Variants in FEM1C observed in about 807,000 individuals in gnomAD.
The protein encoded by FEM1C is protein fem-1 homolog C.
Under a neutral mutation model 37.6 loss-of-function variants are expected in FEM1C, and 15 were observed. The observed-to-expected ratio is 0.40, with a 90% CI of 0.27 to 0.61. The LOEUF is 0.61. Among genes scored for constraint, FEM1C ranks in the 20% least tolerant of loss-of-function variants. The probability of loss-of-function intolerance (pLI) is 0.42; values close to 1 mark genes in which losing one functional copy is unlikely to be tolerated. For synonymous variants in FEM1C, 287 were observed against 272.8 expected (o/e 1.05, Z -0.51); for missense variants, 532 against 749.7 (o/e 0.71, Z 3.39).
intron 2 of FEM1C, among the ~76,000 whole-genome samples, chr5:115,528,965 A>T (rs530143832): frequency 1.3e-5 from 2 of 152,256 alleles, no homozygotes; most frequent in East Asian, 3.9e-4. Flanking sequence ...ATAGAGAATT[A>T]GTAACTGGAA....
At chr5:115,539,009 T>C (rs1754186331) in intron 2 of FEM1C, among the ~76,000 whole-genome samples, 1 of 152,030 alleles carries the variant, frequency 6.6e-6, no homozygotes, top group African/African-American at 2.4e-5. Context: ...TTGCTTATAC[T>C]ATTCCTTCAG....
rs1022878328 is a variant in FEM1C, at chr5:115,522,132, C to A, written c.*2176G>T. On this transcript the variant is annotated 3_prime_UTR_variant, in exon 3 of 3. Coordinates refer to ENST00000274457, the MANE Select transcript of FEM1C (RefSeq NM_020177.3). ...CATGTAAGCCCTCCCACCCAGCCCC[C>A]AAAGAGGAGGAGGAAATACTAAATC... 1 of 151,628 alleles carries A rather than the reference C, an allele frequency of 6.6e-6. No individual in the cohort carries two copies. The highest frequency in any genetic ancestry group is 1.5e-5 in the Non-Finnish European group (1 of 67,760). The allele number at this position is 151,628 out of a possible 1,614,324, so 9.4% of individuals were successfully genotyped here.
At chr5:115,534,077 C>T (rs950039997) in intron 2 of FEM1C, among the ~76,000 whole-genome samples, 3 of 151,750 alleles carry the variant, frequency 2.0e-5, no homozygotes, top group Non-Finnish European at 2.9e-5. Context: ...CAGTATGATA[C>T]GAATACATTA....
intron 2 of FEM1C, among the ~76,000 whole-genome samples, chr5:115,530,864 T>G: frequency 6.6e-6 from 1 of 152,010 alleles, no homozygotes; most frequent in African/African-American, 2.4e-5. Flanking sequence ...GAAAGGCTTA[T>G]TTTTTAAATA....
chr5:115,538,459 C>A (rs918126293), intron 2 of FEM1C, among the ~76,000 whole-genome samples: 2 of 151,948 alleles, frequency 1.3e-5, no homozygotes, highest in African/African-American at 4.8e-5. Context: ...CTCTTAAATC[C>A]AACATGTCCA....
intron 2 of FEM1C, among the ~76,000 whole-genome samples, chr5:115,539,478 TC>T (rs1754196381): frequency 6.6e-6 from 1 of 152,008 alleles, no homozygotes; most frequent in Non-Finnish European, 1.5e-5. Context: ...AGGAACCAAC[TC>T]CCGTCTCAAA....
chr5:115,531,927 C>T (rs1176191859), intron 2 of FEM1C, among the ~76,000 whole-genome samples: 2 of 152,078 alleles, frequency 1.3e-5, no homozygotes, highest in Non-Finnish European at 2.9e-5. Flanking sequence ...TTATGCTTCA[C>T]ATTATTCCAT....
intron 2 of FEM1C, 126 bp from the exon 3 acceptor site, chr5:115,525,743 G>T: frequency 2.8e-6 from 2 of 707,054 alleles, no homozygotes; most frequent in Non-Finnish European, 4.3e-6. Flanking sequence ...GGACATACTT[G>T]GTTTACAAAC....
chr5:115,524,278 C>T lies in FEM1C; in HGVS notation c.*30G>A, dbSNP rs1258179409. ...ATGAAACAACTGTTACCAATTCGTG[C>T]TTTAACAGTGCTAAAATACAGTCAA... On this transcript the variant is annotated 3_prime_UTR_variant, in exon 3 of 3. Transcript: ENST00000274457. 1.9e-6 allele frequency: 3 copies of T among 1,583,692 alleles called. No individual in the cohort carries two copies. Among genetic ancestry groups the T allele is most frequent in the South Asian group, 1.1e-5 (1 of 89,880 alleles).
At chr5:115,533,378 A>T (rs1176523713) in intron 2 of FEM1C, among the ~76,000 whole-genome samples, 1 of 152,018 alleles carries the variant, frequency 6.6e-6, no homozygotes, top group East Asian at 1.9e-4. Context: ...ATATTTTGCT[A>T]TGTCAGTTTT....
At chr5:115,544,378 A>C in intron 1 of FEM1C, 145 bp downstream of exon 1, 1 of 154,416 alleles carries the variant, frequency 6.5e-6, no homozygotes, top group Non-Finnish European at 1.4e-5. Flanking sequence ...TCCATCGACC[A>C]CAACCCCCTC....
intron 2 of FEM1C, among the ~76,000 whole-genome samples, chr5:115,541,201 T>C (rs1170609743): frequency 6.6e-6 from 1 of 152,092 alleles, no homozygotes; most frequent in Non-Finnish European, 1.5e-5. Flanking sequence ...AAAGATAACA[T>C]TTATTAAGCT....
chr5:115,524,723 T>C lies in FEM1C; in HGVS notation c.1439A>G (p.Lys480Arg), dbSNP rs1753850647. Residue 480 changes from lysine (K) to arginine (R), a missense_variant, in exon 3 of 3, where the codon AAG becomes AGG. Lys to Arg is a conservative substitution (Grantham distance 26). This residue lies in a region of FEM1C where 237 missense variants were observed against 260.5 expected (regional missense o/e 0.91). Transcript: ENST00000274457. ...CAGATGAAGAGGGCTGAAGTTATTC[T>C]TTCCCCTTGGATGCAGCTTAAGAAA... ...YRFLKLHPRG[K>R]NNFSPLHLAV... 6.5e-7 allele frequency: 1 copy of C among 1,542,024 alleles called. No homozygotes were observed. The highest frequency in any genetic ancestry group is 2.3e-5 in the East Asian group (1 of 44,442).
intron 2 of FEM1C, among the ~76,000 whole-genome samples, chr5:115,534,560 T>C (rs2127172489): frequency 6.6e-6 from 1 of 151,944 alleles, no homozygotes; most frequent in South Asian, 2.1e-4. Flanking sequence ...TTAGATAAAA[T>C]TACCAAGATT....
At position 115,524,387 on chromosome 5, in the gene FEM1C, C is replaced by T. The variant is rs1280261273; in HGVS notation, c.1775G>A (p.Arg592His). 4 of 1,613,456 alleles carry T rather than the reference C, an allele frequency of 2.5e-6. No individual in the cohort carries two copies. Among genetic ancestry groups the T allele is most frequent in the Non-Finnish European group, 3.4e-6 (4 of 1,179,648 alleles). The change falls in exon 3 of 3, where the codon CGT (arginine) becomes CAT (histidine). Residue 592 changes from arginine (R) to histidine (H), a missense_variant. This residue lies in a region of FEM1C where 237 missense variants were observed against 260.5 expected (regional missense o/e 0.91). Transcript: ENST00000274457. ...NHTTLQCLAA[R>H]VIVNHRIYYK... ...ATATATTCTATGATTCACTATGACACGAGCAGCAAGACACTGCAATGTGGT... is the reference window on the plus strand; with the variant it reads ...ATATATTCTATGATTCACTATGACATGAGCAGCAAGACACTGCAATGTGGT...
chr5:115,525,174 G>T lies in FEM1C; in HGVS notation c.988C>A (p.Leu330Ile). ...GAGGTATCAGGATGAGAAGGACCAA[G>T]AATACGTTCTCTGATTAATAGTGCC... is the stretch of plus-strand genomic sequence containing the variant. ...MQALLIRERI[L>I]GPSHPDTSYY... The change falls in exon 3 of 3, where the codon CTT (leucine) becomes ATT (isoleucine). Residue 330 changes from leucine to isoleucine, a missense_variant. Leu to Ile is a conservative substitution (Grantham distance 5). This residue lies in a region of FEM1C where 221 missense variants were observed against 404.1 expected (regional missense o/e 0.55). Transcript: ENST00000274457. The T allele has an allele frequency of 6.2e-7, 1 of 1,613,556 alleles. No individual in the cohort carries two copies. Among genetic ancestry groups the T allele is most frequent in the Non-Finnish European group, 8.5e-7 (1 of 1,179,824 alleles).
At chr5:115,531,518 A>G (rs922418517) in intron 2 of FEM1C, among the ~76,000 whole-genome samples, 4 of 152,246 alleles carry the variant, frequency 2.6e-5, no homozygotes, top group East Asian at 1.9e-4. Flanking sequence ...TATCTCTGGA[A>G]TGAATGATTC....
chr5:115,541,295 C>G (rs535548936), intron 2 of FEM1C, among the ~76,000 whole-genome samples: 1 of 151,898 alleles, frequency 6.6e-6, no homozygotes, highest in Non-Finnish European at 1.5e-5. Flanking sequence ...AAGTATTATC[C>G]CTGAGTACTG....
intron 2 of FEM1C, among the ~76,000 whole-genome samples, chr5:115,540,804 T>C (rs1754226309): frequency 6.6e-6 from 1 of 152,094 alleles, no homozygotes; most frequent in Non-Finnish European, 1.5e-5. Flanking sequence ...CAATTTGACT[T>C]AAATATGAGT....
Sources: allele counts gnomAD v4.1 joint callset (sites outside exome capture counted in the v4.1 genomes callset), GRCh38; gene constraint gnomAD v4.1.1; regional missense constraint gnomAD v4.1.1; transcripts MANE v1.5; gene names NCBI Gene and HGNC (gene_info 2026-07-23, HGNC 2026-07-21).